RAB11FIP2: variants seen among roughly 807,000 people sequenced by gnomAD.
The protein encoded by RAB11FIP2 is rab11 family-interacting protein 2.
In RAB11FIP2, 16 loss-of-function variants were observed where a neutral mutation model predicts 40.9. That is an observed-to-expected ratio of 0.39 (90% CI 0.26 to 0.59). RAB11FIP2 has a LOEUF of 0.59. RAB11FIP2 is among the 20% of genes least tolerant of loss of function. The pLI is 0.53. For missense variants in RAB11FIP2, 532 were observed against 606.2 expected, an observed-to-expected ratio of 0.88 and a Z score of 1.28; for synonymous variants, 228 against 213.7, an observed-to-expected ratio of 1.07 and a Z score of -0.58.
intron 4 of RAB11FIP2, among the ~76,000 whole-genome samples, chr10:118,011,244 TGTAA>T (rs1382922143): frequency 1.3e-5 from 2 of 152,148 alleles, no homozygotes; most frequent in African/African-American, 4.8e-5. Flanking sequence ...TGGAAACAGA[TGTAA>T]GTTTCAGTCA....
intron 3 of RAB11FIP2, among the ~76,000 whole-genome samples, chr10:118,030,514 TAC>T (rs1233673241): frequency 6.6e-6 from 1 of 152,164 alleles, no homozygotes; most frequent in South Asian, 2.1e-4. Flanking sequence ...TAATAACTTG[TAC>T]AGTCTCTCTA....
At chr10:118,033,595 A>G (rs1039300005) in intron 3 of RAB11FIP2, among the ~76,000 whole-genome samples, 1 of 152,172 alleles carries the variant, frequency 6.6e-6, no homozygotes, top group Non-Finnish European at 1.5e-5. Context: ...ATGGCTTACA[A>G]GGACCTCAGT....
chr10:118,042,497 C>G (rs1846573266), intron 1 of RAB11FIP2, among the ~76,000 whole-genome samples: 1 of 152,082 alleles, frequency 6.6e-6, no homozygotes, highest in African/African-American at 2.4e-5. Flanking sequence ...ATTTGATGAA[C>G]CACATATGTT....
intron 3 of RAB11FIP2, among the ~76,000 whole-genome samples, chr10:118,037,579 C>T (rs1345385793): frequency 6.6e-6 from 1 of 151,964 alleles, no homozygotes; most frequent in Admixed American, 6.6e-5. Context: ...TGGGGCCTGG[C>T]TTTGTATTAT....
At chr10:118,023,976 G>C (rs778477717) in intron 3 of RAB11FIP2, among the ~76,000 whole-genome samples, 1 of 151,738 alleles carries the variant, frequency 6.6e-6, no homozygotes. Flanking sequence ...TATAATCCCA[G>C]CTACTCAGGA....
In RAB11FIP2 at chr10:118,006,535, T is replaced by C. The variant is rs1846092300; in HGVS notation, c.*2463A>G. ...CTAAGGTGACCTTTTTGGCCTCTTT[T>C]TCTACAACGTGAGAAATTAAAACTA... On this transcript the variant is annotated 3_prime_UTR_variant, in exon 5 of 5. Transcript: ENST00000355624. 6.6e-6 allele frequency: 1 copy of C among 152,160 alleles called. No homozygotes were observed. Among genetic ancestry groups the C allele is most frequent in the Non-Finnish European group, 1.5e-5 (1 of 67,980 alleles). The allele number at this position is 152,160 out of a possible 1,614,324, so 9.4% of individuals were successfully genotyped here. A position where few individuals can be genotyped will look rare whatever the true frequency, so the allele number is the denominator to read the frequency against.
At chr10:118,024,808 A>T (rs1412180425) in intron 3 of RAB11FIP2, among the ~76,000 whole-genome samples, 1 of 152,154 alleles carries the variant, frequency 6.6e-6, no homozygotes, top group Non-Finnish European at 1.5e-5. Flanking sequence ...TGGGCCTATG[A>T]CAAAGCTATG....
rs534503076 is a variant in RAB11FIP2 at position 118,008,131 on chromosome 10, C to G, written c.*867G>C. 1 of 152,434 alleles carries G rather than the reference C, an allele frequency of 6.6e-6. No individual in the cohort carries two copies. The highest frequency in any genetic ancestry group is 1.9e-4 in the East Asian group (1 of 5,186). The allele number at this position is 152,434 out of a possible 1,614,324, so 9.4% of individuals were successfully genotyped here. On this transcript the variant is annotated 3_prime_UTR_variant, in exon 5 of 5. Coordinates refer to ENST00000355624, the MANE Select transcript of RAB11FIP2 (RefSeq NM_014904.3). Reference sequence around the variant, plus strand: ...TATATTAGCTTATCTTCTGCTTATACCTTAAACAAACTCAAATGTTAATTA... The same window carrying G: ...TATATTAGCTTATCTTCTGCTTATAGCTTAAACAAACTCAAATGTTAATTA...
At chr10:118,014,214 A>G (rs1017565213) in intron 4 of RAB11FIP2, among the ~76,000 whole-genome samples, 1 of 152,076 alleles carries the variant, frequency 6.6e-6, no homozygotes, top group Non-Finnish European at 1.5e-5. Flanking sequence ...AAAAATAGTG[A>G]TATGTGATAT....
At chr10:118,017,458 T>G (rs2133165337) in intron 3 of RAB11FIP2, 1 of 152,172 alleles carries the variant, frequency 6.6e-6, no homozygotes, top group African/African-American at 2.4e-5. Context: ...AAGCAGGATT[T>G]AAAATGACAT....
At chr10:118,028,637 A>G (rs538443885) in intron 3 of RAB11FIP2, among the ~76,000 whole-genome samples, 1 of 152,272 alleles carries the variant, frequency 6.6e-6, no homozygotes, top group East Asian at 1.9e-4. Context: ...TAGTGGCCCA[A>G]CTGGAAATGT....
At chr10:118,011,055 C>A (rs1410313072) in intron 4 of RAB11FIP2, among the ~76,000 whole-genome samples, 1 of 151,722 alleles carries the variant, frequency 6.6e-6, no homozygotes, top group Non-Finnish European at 1.5e-5. Context: ...AAGCTATGTT[C>A]CAGGAAAAGT....
chr10:118,026,830 C>G, intron 3 of RAB11FIP2, among the ~76,000 whole-genome samples: 1 of 152,270 alleles, frequency 6.6e-6, no homozygotes. Flanking sequence ...AATACTTTTA[C>G]TTAATTTCAA....
rs1421300603 is a variant in RAB11FIP2 at position 118,008,862 on chromosome 10, A to G, written c.*136T>C. ...ATAGTCCCTGCTAATATTTACAGGT[A>G]AAACTACTCTTCACAATAAAGGAGA... On this transcript the variant is annotated 3_prime_UTR_variant, in exon 5 of 5. Coordinates refer to ENST00000355624, the MANE Select transcript of RAB11FIP2 (RefSeq NM_014904.3). 1.4e-6 allele frequency: 1 copy of G among 704,396 alleles called. No homozygotes were observed. The highest frequency in any genetic ancestry group is 2.4e-6 in the Non-Finnish European group (1 of 421,704). The allele number at this position is 704,396 out of a possible 1,614,324, so 43.6% of individuals were successfully genotyped here. A position where few individuals can be genotyped will look rare whatever the true frequency, so the allele number is the denominator to read the frequency against.
intron 3 of RAB11FIP2, among the ~76,000 whole-genome samples, chr10:118,033,147 T>A (rs2928120): frequency 6.6e-6 from 1 of 152,020 alleles, no homozygotes; most frequent in African/African-American, 2.4e-5. Flanking sequence ...GGTCTTGGAA[T>A]GTATCCCCAT....
chr10:118,029,031 AC>A (rs757583330), intron 3 of RAB11FIP2, among the ~76,000 whole-genome samples: 97 of 152,222 alleles, frequency 6.4e-4, no homozygotes, highest in Non-Finnish European at 1.1e-3. Flanking sequence ...CATTAAAAAA[AC>A]AAAAAGAAAA....
intron 1 of RAB11FIP2, among the ~76,000 whole-genome samples, chr10:118,044,733 G>T (rs959127278): frequency 9.9e-5 from 15 of 152,136 alleles, no homozygotes; most frequent in African/African-American, 3.6e-4. Flanking sequence ...GAACAAGAGA[G>T]AGTCGTTTTA....
intron 3 of RAB11FIP2, among the ~76,000 whole-genome samples, chr10:118,017,177 A>T (rs1448448767): frequency 6.6e-6 from 1 of 152,186 alleles, no homozygotes; most frequent in African/African-American, 2.4e-5. Flanking sequence ...GTGTGGCTCT[A>T]GACTGCGTCC....
chr10:118,045,279 T>C (rs922756118), intron 1 of RAB11FIP2: 1 of 153,532 alleles, frequency 6.5e-6, no homozygotes, highest in African/African-American at 2.4e-5. Flanking sequence ...CTAACAGGTA[T>C]AGACTCCCAT....
Sources: gnomAD v4.1 joint callset for allele counts (sites outside exome capture counted in the v4.1 genomes callset) on GRCh38, gnomAD v4.1.1 for gene constraint, MANE v1.5 for transcripts, NCBI Gene and HGNC (gene_info 2026-07-23, HGNC 2026-07-21) for gene names.